Variants in GREB1L observed in about 807,000 individuals in gnomAD.
GREB1L encodes the protein GREB1-like protein.
In GREB1L, 17 loss-of-function variants were observed where a neutral mutation model predicts 200.8. The ratio of observed to expected loss-of-function variants is 0.08; its 90% CI spans 0.06 to 0.13. GREB1L has a LOEUF of 0.13. Ranked by LOEUF, GREB1L falls within the 10% of genes least tolerant of loss-of-function variation. The pLI, the probability that GREB1L is intolerant of heterozygous loss-of-function variation, is 1.00. For missense variants in GREB1L, 1,657 were observed against 2,367.7 expected (o/e 0.70, Z 6.23); for synonymous variants, 789 against 893.0 (o/e 0.88, Z 2.08).
chr18:21,509,050 C>G (rs1450136745), intron 27 of GREB1L, among the ~76,000 whole-genome samples: 1 of 152,194 alleles, frequency 6.6e-6, no homozygotes, highest in African/African-American at 2.4e-5. Context: ...AACCAGGGAG[C>G]TGGAAGCATC....
At chr18:21,381,441 AC>A (rs1489095482) in intron 2 of GREB1L, among the ~76,000 whole-genome samples, 1 of 151,818 alleles carries the variant, frequency 6.6e-6, no homozygotes, top group Non-Finnish European at 1.5e-5. Flanking sequence ...ATTATTGAGG[AC>A]CCCATAGCAT....
chr18:21,315,201 C>T (rs953018065), intron 1 of GREB1L, among the ~76,000 whole-genome samples: 3 of 152,078 alleles, frequency 2.0e-5, no homozygotes, highest in Admixed American at 1.3e-4. Context: ...GCAATCCTCC[C>T]ACTTCAGTCT....
intron 7 of GREB1L, among the ~76,000 whole-genome samples, chr18:21,436,307 C>G (rs2033531397): frequency 6.6e-6 from 1 of 152,028 alleles, no homozygotes; most frequent in Admixed American, 6.6e-5. Flanking sequence ...ATACTATAAG[C>G]CAAGGAGAGA....
chr18:21,506,071 CT>C, intron 25 of GREB1L, 122 bp downstream of exon 25: 1 of 1,078,388 alleles, frequency 9.3e-7, no homozygotes, highest in Non-Finnish European at 1.3e-6. Flanking sequence ...GGATAGTTTA[CT>C]CATAAGAAGG....
At chr18:21,368,436 A>G (rs2039752283) in intron 2 of GREB1L, among the ~76,000 whole-genome samples, 1 of 152,242 alleles carries the variant, frequency 6.6e-6, no homozygotes, top group Admixed American at 6.5e-5. Flanking sequence ...AGATGGAGGT[A>G]GCAAGAAATC....
chr18:21,371,141 A>G (rs1458618364), intron 2 of GREB1L, among the ~76,000 whole-genome samples: 1 of 152,134 alleles, frequency 6.6e-6, no homozygotes, highest in Admixed American at 6.6e-5. Context: ...CCCCAGTCAC[A>G]CTGGCCACGT....
intron 1 of GREB1L, among the ~76,000 whole-genome samples, chr18:21,340,554 T>G (rs1210486438): frequency 1.3e-5 from 2 of 151,820 alleles, no homozygotes; most frequent in Non-Finnish European, 2.9e-5. Flanking sequence ...TTTTTTTTTC[T>G]TTTTTTGAGA....
chr18:21,446,621 C>G (rs2034237493), intron 11 of GREB1L, among the ~76,000 whole-genome samples: 1 of 152,138 alleles, frequency 6.6e-6, no homozygotes, highest in Non-Finnish European at 1.5e-5. Flanking sequence ...ATCTCTATCC[C>G]TCAACAACTG....
At chr18:21,274,894 A>C (rs1346039239) in intron 1 of GREB1L, among the ~76,000 whole-genome samples, 4 of 151,402 alleles carry the variant, frequency 2.6e-5, no homozygotes, top group African/African-American at 9.7e-5. Context: ...CTCTAAAAAA[A>C]TAATAATAAT....
chr18:21,447,593 A>G (rs574460298), intron 11 of GREB1L, among the ~76,000 whole-genome samples: 5 of 152,244 alleles, frequency 3.3e-5, no homozygotes, highest in Non-Finnish European at 7.3e-5. Flanking sequence ...CTTATGGACT[A>G]CTAACCAGGC....
chr18:21,384,218 A>G lies in GREB1L; in HGVS notation c.170A>G (p.Lys57Arg). 2 of 1,549,446 alleles carry G rather than the reference A, an allele frequency of 1.3e-6. No individual in the cohort carries two copies. Among genetic ancestry groups the G allele is most frequent in the Non-Finnish European group, 1.7e-6 (2 of 1,145,132 alleles). Residue 57 changes from lysine (K) to arginine (R), a missense_variant, in exon 4 of 33, where the codon AAG (lysine) becomes AGG (arginine). Lys to Arg is a conservative substitution (Grantham distance 26). Around this residue, in one of 9 missense-constraint regions of GREB1L, gnomAD observed 121 missense variants for 126.6 expected, o/e 0.96. Coordinates refer to ENST00000424526, the MANE Select transcript of GREB1L (RefSeq NM_001142966.3). ...TTTGCTTACCCAGATGTCAAACCCA[A>G]GGTGGAGGATCTGGACAAAGATTTG... ...HPFSSADVKP[K>R]VEDLDKDLVN...
intron 1 of GREB1L, among the ~76,000 whole-genome samples, chr18:21,359,398 C>G (rs2039551057): frequency 6.6e-6 from 1 of 151,810 alleles, no homozygotes; most frequent in Non-Finnish European, 1.5e-5. Flanking sequence ...TGCAGTGAGC[C>G]GAGATTGTGC....
intron 1 of GREB1L, among the ~76,000 whole-genome samples, chr18:21,269,227 C>A (rs2038039800): frequency 6.6e-6 from 1 of 152,018 alleles, no homozygotes; most frequent in Non-Finnish European, 1.5e-5. Context: ...GAAATTGGGG[C>A]CCCAGAGATA....
At chr18:21,288,462 G>A (rs1437761121) in intron 1 of GREB1L, among the ~76,000 whole-genome samples, 2 of 152,014 alleles carry the variant, frequency 1.3e-5, no homozygotes, top group African/African-American at 2.4e-5. Context: ...AGTGGTAAGC[G>A]CAGGTTCGAA....
intron 15 of GREB1L, among the ~76,000 whole-genome samples, chr18:21,458,569 T>C (rs1310355305): frequency 6.6e-6 from 1 of 152,042 alleles, no homozygotes; most frequent in Non-Finnish European, 1.5e-5. Flanking sequence ...AGGATGAAAA[T>C]AGAAACCATC....
chr18:21,514,375 C>T (rs1598957055), intron 28 of GREB1L, among the ~76,000 whole-genome samples: 1 of 152,090 alleles, frequency 6.6e-6, no homozygotes, highest in South Asian at 2.1e-4. Context: ...ATTAGCTGAG[C>T]GTGGTGGCGC....
At chr18:21,388,611 C>T (rs1487273609) in intron 4 of GREB1L, among the ~76,000 whole-genome samples, 2 of 132,386 alleles carry the variant, frequency 1.5e-5, no homozygotes. Context: ...GTGGTGCGAT[C>T]TCGGCTCACT....
intron 1 of GREB1L, among the ~76,000 whole-genome samples, chr18:21,312,647 G>A (rs555189225): frequency 6.6e-6 from 1 of 151,814 alleles, no homozygotes. Context: ...TCCGCCTCCC[G>A]GGTTCAAGTG....
chr18:21,384,790 CG>C (rs1366278942), intron 4 of GREB1L, among the ~76,000 whole-genome samples: 3 of 115,982 alleles, frequency 2.6e-5, no homozygotes, highest in Non-Finnish European at 5.0e-5. Context: ...TATTCCCCCC[CG>C]CCCCCGGCCC....
Sources: allele counts gnomAD v4.1 joint callset (sites outside exome capture counted in the v4.1 genomes callset), GRCh38; gene constraint gnomAD v4.1.1; regional missense constraint gnomAD v4.1.1; transcripts MANE v1.5; gene names NCBI Gene and HGNC (gene_info 2026-07-23, HGNC 2026-07-21).